RELN: variants seen among roughly 807,000 people sequenced by gnomAD.
RELN encodes reelin.
In RELN, 108 loss-of-function variants were observed where a neutral mutation model predicts 427.6. The ratio of observed to expected loss-of-function variants is 0.25; its 90% CI spans 0.22 to 0.30. The LOEUF (loss-of-function observed/expected upper bound fraction) is 0.30, where lower values mean the gene tolerates loss of function less well. Among genes scored for constraint, RELN ranks in the 10% least tolerant of loss-of-function variants. RELN has a pLI of 1.00. For missense variants in RELN, 3,715 were observed against 4,302.8 expected, an observed-to-expected ratio of 0.86 and a Z score of 3.82; for synonymous variants, 1,524 against 1,513.4, an observed-to-expected ratio of 1.01 and a Z score of -0.16.
chr7:103,478,008 C>G lies in RELN; in HGVS notation c.10286+381G>C, dbSNP rs1828095459. Among the ~76,000 whole-genome samples the G allele has an allele frequency of 2.6e-5, 4 of 152,168 alleles. No homozygotes were observed. The South Asian group carries it at 8.3e-4, about 31-fold the overall frequency. ...AATCAGAGTCCCTAAATCTTTTGCACACATTTCTATTTTCCCTTGTCCCTC... is the reference window on the plus strand; with the variant it reads ...AATCAGAGTCCCTAAATCTTTTGCAGACATTTCTATTTTCCCTTGTCCCTC... On this transcript the variant is annotated intron_variant, in intron 64 of 64. Transcript: ENST00000428762.
chr7:103,878,605 T>A (rs1794538394), intron 2 of RELN, among the ~76,000 whole-genome samples: 1 of 151,882 alleles, frequency 6.6e-6, no homozygotes, highest in South Asian at 2.1e-4. Flanking sequence ...GGCACACTGA[T>A]GGGAATGAAT....
intron 3 of RELN, among the ~76,000 whole-genome samples, chr7:103,830,848 A>G (rs1162706419): frequency 1.3e-5 from 2 of 152,116 alleles, no homozygotes; most frequent in African/African-American, 4.8e-5. Context: ...GGCTTATGAG[A>G]AAAAGGACTT....
intron 10 of RELN, 68 bp from the exon 11 acceptor site, chr7:103,682,329 G>T: frequency 6.5e-7 from 1 of 1,550,040 alleles, no homozygotes; most frequent in South Asian, 1.1e-5. Context: ...TCTTACTCAT[G>T]TATAATTAGA....
intron 20 of RELN, among the ~76,000 whole-genome samples, chr7:103,612,302 T>C (rs1467837989): frequency 2.0e-5 from 3 of 151,222 alleles, no homozygotes; most frequent in Non-Finnish European, 4.4e-5. Flanking sequence ...TGTATATGAT[T>C]AAATAAGCCT....
Position 103,909,744 on chromosome 7 carries a change from AATAT to A in RELN, c.337+7327_337+7330del, listed in dbSNP as rs3073414. On this transcript the variant is annotated intron_variant, in intron 2 of 64. Coordinates refer to ENST00000428762, the MANE Select transcript of RELN (RefSeq NM_005045.4). ...TTAAATATATTTTTTAATATATATA[AATAT>A]ATATATTAAATATATATATTTAATA... Among the ~76,000 whole-genome samples the A allele has an allele frequency of 1.8e-4, 14 of 76,648 alleles. 1 individual carries two copies. The East Asian group carries it at 2.6e-3, about 14-fold the overall frequency. 50.3% of individuals were successfully genotyped at this position (76,648 alleles called of 152,430 possible).
intron 28 of RELN, among the ~76,000 whole-genome samples, chr7:103,582,292 TTG>T (rs971310234): frequency 1.3e-5 from 2 of 152,336 alleles, no homozygotes; most frequent in African/African-American, 4.8e-5. Context: ...GCATTTGTGT[TTG>T]TGTGTTTCTC....
chr7:103,691,702 A>T (rs1368477177), intron 10 of RELN, among the ~76,000 whole-genome samples: 1 of 152,058 alleles, frequency 6.6e-6, no homozygotes, highest in Non-Finnish European at 1.5e-5. Flanking sequence ...AGTCCCAACT[A>T]CTCAGGAGGC....
chr7:103,610,855 G>A (rs777213164), intron 21 of RELN, 48 bp from the exon 22 acceptor site: 1 of 1,011,394 alleles, frequency 9.9e-7, no homozygotes, highest in South Asian at 1.3e-5. Context: ...GTTTTCCTCA[G>A]GTGAAATATG....
At position 103,604,428 on chromosome 7, in the gene RELN, A is replaced by C; in HGVS notation, c.3064T>G (p.Trp1022Gly). The change falls in exon 23 of 65, where the codon TGG becomes GGG. Residue 1022 changes from tryptophan (W) to glycine (G), a missense_variant. Trp to Gly is a radical substitution (Grantham distance 184). Transcript: ENST00000428762. ...CCAATGTAAATGCTGTCCAAAGCCCACTCGTCTTGAGCTGTGTAATAGCTC... is the reference window on the plus strand; with the variant it reads ...CCAATGTAAATGCTGTCCAAAGCCCCCTCGTCTTGAGCTGTGTAATAGCTC... Reference protein sequence around the residue: ...SQSYYTAQDEWALDSIYIGQQ... With the variant: ...SQSYYTAQDEGALDSIYIGQQ... The C allele has an allele frequency of 6.2e-7, 1 of 1,613,866 alleles. No homozygotes were observed. Among genetic ancestry groups the C allele is most frequent in the Non-Finnish European group, 8.5e-7 (1 of 1,179,848 alleles).
chr7:103,854,706 A>C (rs1002122646), intron 2 of RELN, among the ~76,000 whole-genome samples: 1 of 152,180 alleles, frequency 6.6e-6, no homozygotes, highest in African/African-American at 2.4e-5. Flanking sequence ...AAAGGCCTTG[A>C]TTTGAGTCTA....
chr7:103,867,971 C>G (rs899110016), intron 2 of RELN, among the ~76,000 whole-genome samples: 1 of 151,984 alleles, frequency 6.6e-6, no homozygotes, highest in African/African-American at 2.4e-5. Context: ...GTCTTTTTTC[C>G]TCCTGGCACC....
intron 4 of RELN, among the ~76,000 whole-genome samples, chr7:103,755,859 C>G (rs1301182208): frequency 6.8e-6 from 1 of 148,100 alleles, no homozygotes; most frequent in East Asian, 2.0e-4. Context: ...CCATGCCTAA[C>G]GTTAGCTATA....
chr7:103,638,074 TA>T (rs140427433), intron 17 of RELN, among the ~76,000 whole-genome samples: 1 of 151,700 alleles, frequency 6.6e-6, no homozygotes, highest in Admixed American at 6.6e-5. Context: ...AAATATTTTT[TA>T]AAAAAAACAA....
chr7:103,755,131 A>ATT (rs147422867), intron 4 of RELN, among the ~76,000 whole-genome samples: 16,828 of 151,662 alleles, frequency 0.11, 973 homozygotes, highest in Middle Eastern at 0.2. Context: ...GACCGAAGGG[A>ATT]TTTTTTTGTT....
intron 4 of RELN, among the ~76,000 whole-genome samples, chr7:103,773,317 C>CT (rs1791641723): frequency 1.7e-5 from 1 of 58,402 alleles, no homozygotes; most frequent in African/African-American, 1.2e-4. Flanking sequence ...CCCTCGCTCC[C>CT]TCCGTCTCTC....
chr7:103,700,975 G>A lies in RELN; in HGVS notation c.837C>T (p.Asp279=). 6.2e-7 allele frequency: 1 copy of A among 1,612,084 alleles called. No individual in the cohort carries two copies. Among genetic ancestry groups the A allele is most frequent in the Non-Finnish European group, 8.5e-7 (1 of 1,178,290 alleles). Residue 279 remains aspartate (D), a synonymous_variant, in exon 9 of 65, where the codon GAC becomes GAT. Coordinates refer to ENST00000428762, the MANE Select transcript of RELN (RefSeq NM_005045.4). Reference sequence around the variant, plus strand: ...TGGCATATAACACGATGATGCTGGGGTCTGAATAACTAAAGCGACATGAAC... The same window carrying A: ...TGGCATATAACACGATGATGCTGGGATCTGAATAACTAAAGCGACATGAAC... The part of the protein sequence containing the change: ...GSGSCRFSYS[D]PSIIVLYAKN...
At chr7:103,891,129 C>G (rs76154936) in intron 2 of RELN, among the ~76,000 whole-genome samples, 5 of 151,974 alleles carry the variant, frequency 3.3e-5, no homozygotes, top group Admixed American at 2.6e-4. Context: ...GAATTCCATC[C>G]AAGTGTTTAT....
chr7:103,903,430 T>C (rs1288939054), intron 2 of RELN, among the ~76,000 whole-genome samples: 2 of 152,156 alleles, frequency 1.3e-5, no homozygotes, highest in Non-Finnish European at 2.9e-5. Flanking sequence ...TGTAATGACC[T>C]CCTGCTGTGT....
intron 41 of RELN, 70 bp downstream of exon 41, chr7:103,550,997 A>G (rs1359933817): frequency 1.6e-6 from 2 of 1,279,320 alleles, no homozygotes; most frequent in Non-Finnish European, 2.2e-6. Context: ...TAAAGTGGCA[A>G]GTGAACGATG....
Sources: gnomAD v4.1 joint callset for allele counts (sites outside exome capture counted in the v4.1 genomes callset) on GRCh38, gnomAD v4.1.1 for gene constraint, MANE v1.5 for transcripts, NCBI Gene and HGNC (gene_info 2026-07-23, HGNC 2026-07-21) for gene names.